Variants in MYOM2 observed in about 807,000 individuals in gnomAD.
MYOM2 encodes myomesin-2.
MYOM2 carries 254 observed loss-of-function variants against 187.6 expected under a neutral mutation model. The ratio of observed to expected loss-of-function variants is 1.35; its 90% CI spans 1.22 to 1.50. MYOM2 has a LOEUF of 1.50. Ranked by LOEUF, MYOM2 falls within the 40% of genes most tolerant of loss-of-function variation. The probability of loss-of-function intolerance (pLI) is 0.00; values close to 1 mark genes in which losing one functional copy is unlikely to be tolerated. For missense variants in MYOM2, 2,796 were observed against 1,924.0 expected, an observed-to-expected ratio of 1.45 and a Z score of -8.48; for synonymous variants, 981 against 753.8, an observed-to-expected ratio of 1.30 and a Z score of -4.94.
chr8:2,142,313 G>A (rs1798300740), intron 34 of MYOM2, 62 bp from the exon 35 acceptor site: 4 of 1,525,518 alleles, frequency 2.6e-6, no homozygotes, highest in Admixed American at 3.3e-5. Flanking sequence ...TGTGCATTTT[G>A]TTGGAAGCAT....
In MYOM2 at chr8:2,144,775, G is replaced by T. The variant is rs756157254; in HGVS notation, c.4192G>T (p.Ala1398Ser). ...SEHFSVKVEQ[A>S]KYVSMTIKGV... ...GCACTTCTCGGTGAAGGTGGAGCAG[G>T]CCAAGTACGTCAGCATGACCATCAA... Residue 1398 changes from alanine to serine, a missense_variant, in exon 37 of 37, where the codon GCC becomes TCC. Physicochemically the swap from Ala to Ser is moderately conservative, Grantham distance 99 (BLOSUM62 1). Transcript: ENST00000262113. 3 of 1,614,078 alleles carry T rather than the reference G, an allele frequency of 1.9e-6. No individual in the cohort carries two copies. In the African/African-American group the frequency reaches 4.0e-5, roughly 22 times the overall value.
intron 21 of MYOM2, among the ~76,000 whole-genome samples, chr8:2,105,223 A>C (rs535117151): frequency 1.2e-4 from 19 of 152,292 alleles, no homozygotes; most frequent in African/African-American, 4.3e-4. Flanking sequence ...CTCAGACTGT[A>C]AAGATCCTGA....
At chr8:2,106,462 G>C (rs375919659) in intron 22 of MYOM2, 29 bp from the exon 23 acceptor site, 1 of 1,609,622 alleles carries the variant, frequency 6.2e-7, no homozygotes, top group South Asian at 1.1e-5. Context: ...AGAAATGATC[G>C]ACATTCACCT....
chr8:2,137,646 T>C (rs5029665), intron 32 of MYOM2, among the ~76,000 whole-genome samples: 26,479 of 151,912 alleles, frequency 0.17, 4,562 homozygotes, highest in African/African-American at 0.44. Flanking sequence ...GACTAAGGCC[T>C]ATCAGTGTTG....
intron 29 of MYOM2, 91 bp downstream of exon 29, chr8:2,123,456 A>G: frequency 6.8e-7 from 1 of 1,473,568 alleles, no homozygotes; most frequent in Non-Finnish European, 9.4e-7. Flanking sequence ...TTGCATCCTG[A>G]ATTTCGGTGG....
chr8:2,092,028 G>A (rs937955873), intron 15 of MYOM2, among the ~76,000 whole-genome samples: 11 of 151,816 alleles, frequency 7.2e-5, no homozygotes, highest in East Asian at 3.9e-4. Flanking sequence ...GTTGTTACCC[G>A]GGTAGCCTCA....
At chr8:2,060,479 A>T (rs1818816784) in intron 6 of MYOM2, among the ~76,000 whole-genome samples, 1 of 151,936 alleles carries the variant, frequency 6.6e-6, no homozygotes, top group Non-Finnish European at 1.5e-5. Context: ...GTTATATCAA[A>T]TCCCTTCTAG....
intron 13 of MYOM2, among the ~76,000 whole-genome samples, chr8:2,080,908 T>C (rs1208744011): frequency 1.5e-5 from 2 of 135,594 alleles, no homozygotes; most frequent in Non-Finnish European, 1.6e-5. Context: ...CAGAATGAGG[T>C]TGGTTCTGGC....
Position 2,140,788 on chromosome 8 carries a change from A to G in MYOM2, c.3866A>G (p.Gln1289Arg), listed in dbSNP as rs759743356. 12 of 1,614,050 alleles carry G rather than the reference A, an allele frequency of 7.4e-6. No individual in the cohort carries two copies. Among genetic ancestry groups the G allele is most frequent in the Non-Finnish European group, 8.5e-6 (10 of 1,180,004 alleles). Residue 1289 changes from glutamine to arginine, a missense_variant, in exon 33 of 37, where the codon CAG (glutamine) becomes CGG (arginine). Physicochemically the swap from Gln to Arg is conservative, Grantham distance 43. Coordinates refer to ENST00000262113, the MANE Select transcript of MYOM2 (RefSeq NM_003970.4). The stretch of plus-strand genomic sequence containing the variant: ...GGGAGTGAAGAGATGGCTTGGCTGC[A>G]GATATGTGAGCCGACTGAGAAGGAT... ...IGGSEEMAWL[Q>R]ICEPTEKDKG...
At chr8:2,071,321 A>G (rs577284859) in intron 8 of MYOM2, among the ~76,000 whole-genome samples, 1 of 152,210 alleles carries the variant, frequency 6.6e-6, no homozygotes, top group Admixed American at 6.5e-5. Context: ...ACTTCCCTAC[A>G]TGCATGTGTC....
rs530164443 is a variant in MYOM2 at position 2,102,751 on chromosome 8, T to A, written c.2704T>A (p.Ser902Thr). ...ANGVGKPSDT[S>T]EPVLVEARPG... is the part of the protein sequence containing the mutation. ...TGGCGTGGGGAAGCCCTCAGACACGTCGGAGCCTGTGCTGGTAGAGGCGAG... is the reference window on the plus strand; with the variant it reads ...TGGCGTGGGGAAGCCCTCAGACACGACGGAGCCTGTGCTGGTAGAGGCGAG... The change falls in exon 21 of 37, where the codon TCG becomes ACG. Residue 902 changes from serine to threonine, a missense_variant. By Grantham distance (58) the Ser-to-Thr change is moderately conservative (BLOSUM62 1). Coordinates refer to ENST00000262113, the MANE Select transcript of MYOM2 (RefSeq NM_003970.4). The A allele has an allele frequency of 2.0e-5, 33 of 1,613,840 alleles. No homozygotes were observed. Among genetic ancestry groups the A allele is most frequent in the Non-Finnish European group, 2.7e-5 (32 of 1,179,830 alleles).
chr8:2,116,145 T>G, intron 26 of MYOM2, 41 bp downstream of exon 26: 1 of 1,603,690 alleles, frequency 6.2e-7, no homozygotes, highest in Non-Finnish European at 8.5e-7. Context: ...ACAAGATAAT[T>G]CAAATGAAAT....
intron 32 of MYOM2, among the ~76,000 whole-genome samples, chr8:2,134,823 A>G (rs1798010973): frequency 6.6e-6 from 1 of 152,084 alleles, no homozygotes; most frequent in Non-Finnish European, 1.5e-5. Context: ...CTGGGCCCGT[A>G]AAACATTCCC....
Position 2,073,013 on chromosome 8 carries a change from G to A in MYOM2, c.959-326G>A, listed in dbSNP as rs1298588379. On this transcript the variant is annotated intron_variant, in intron 9 of 36. Coordinates refer to ENST00000262113, the MANE Select transcript of MYOM2 (RefSeq NM_003970.4). The stretch of plus-strand genomic sequence containing the variant: ...AATCCCCCACGGGCGGGGGGAAGCC[G>A]GTTGGGGCAGTGGCCGTCCAGCAGA... Among the ~76,000 whole-genome samples the A allele has an allele frequency of 2.0e-4, 31 of 152,184 alleles. 1 individual carries two copies. The highest frequency in any genetic ancestry group is 1.6e-3 in the Admixed American group (24 of 15,288).
chr8:2,057,761 C>A lies in MYOM2; in HGVS notation c.541C>A (p.Pro181Thr). The A allele has an allele frequency of 1.2e-6, 2 of 1,614,066 alleles. No individual in the cohort carries two copies. ...ACTCTGCTTCACCGTGCAAGGATTT[C>A]CCACGCCCGTGGTGCAGTGGTGAGG... Reference protein sequence around the residue: ...VKLCFTVQGFPTPVVQWYKDG... With the variant: ...VKLCFTVQGFTTPVVQWYKDG... The change falls in exon 5 of 37, where the codon CCC becomes ACC. Residue 181 changes from proline (P) to threonine (T), a missense_variant. Physicochemically the swap from Pro to Thr is conservative, Grantham distance 38. Coordinates refer to ENST00000262113, the MANE Select transcript of MYOM2 (RefSeq NM_003970.4).
At chr8:2,062,466 C>G (rs1645699898) in intron 6 of MYOM2, among the ~76,000 whole-genome samples, 1 of 152,098 alleles carries the variant, frequency 6.6e-6, no homozygotes, top group Non-Finnish European at 1.5e-5. Flanking sequence ...GGATTTGCTG[C>G]TGGGCTCGAC....
chr8:2,130,200 G>A (rs1563076844), intron 32 of MYOM2, among the ~76,000 whole-genome samples: 2 of 134,436 alleles, frequency 1.5e-5, no homozygotes, highest in Non-Finnish European at 3.0e-5. Context: ...CCCACACCCC[G>A]CCTTTAGTTA....
intron 28 of MYOM2, 92 bp from the exon 29 acceptor site, chr8:2,123,160 G>T (rs562554951): frequency 3.7e-6 from 3 of 815,100 alleles, no homozygotes; most frequent in Non-Finnish European, 5.8e-6. Context: ...TTTTTTGAGG[G>T]GGGGGCTCTG....
At chr8:2,061,092 G>C (rs1416856718) in intron 6 of MYOM2, among the ~76,000 whole-genome samples, 1 of 152,106 alleles carries the variant, frequency 6.6e-6, no homozygotes, top group Non-Finnish European at 1.5e-5. Flanking sequence ...CTTGAGTTGG[G>C]CTGAGCTGGT....
Sources: allele counts gnomAD v4.1 joint callset (sites outside exome capture counted in the v4.1 genomes callset), GRCh38; gene constraint gnomAD v4.1.1; transcripts MANE v1.5; gene names NCBI Gene and HGNC (gene_info 2026-07-23, HGNC 2026-07-21).